BTAF1: variants seen among roughly 807,000 people sequenced by gnomAD.
The protein encoded by BTAF1 is B-TFIID TATA-box binding protein associated factor 1.
In BTAF1, 38 loss-of-function variants were observed where a neutral mutation model predicts 227.1. That is an observed-to-expected ratio of 0.17 (90% confidence interval 0.13 to 0.22). BTAF1 has a LOEUF of 0.22. Ranked by LOEUF, BTAF1 falls within the 10% of genes least tolerant of loss-of-function variation. The pLI is 1.00. For synonymous variants in BTAF1, 742 were observed against 751.9 expected (o/e 0.99, Z 0.21); for missense variants, 1,598 against 2,204.0 (o/e 0.73, Z 5.51).
intron 19 of BTAF1, 28 bp downstream of exon 19, chr10:91,984,432 A>C: frequency 1.9e-6 from 3 of 1,547,402 alleles, no homozygotes; most frequent in Non-Finnish European, 2.6e-6. Flanking sequence ...TTTCTTAATT[A>C]GAGATAGAAC....
chr10:91,961,991 T>A (rs1846556566), intron 11 of BTAF1, among the ~76,000 whole-genome samples: 1 of 152,190 alleles, frequency 6.6e-6, no homozygotes, highest in Non-Finnish European at 1.5e-5. Flanking sequence ...CATGTTTTGA[T>A]GTTTTATGTC....
rs746588344 is a variant in BTAF1 at position 91,993,732 on chromosome 10, A to G, written c.3084A>G (p.Glu1028=). 1 of 1,591,060 alleles carries G rather than the reference A, an allele frequency of 6.3e-7. No individual in the cohort carries two copies. Among genetic ancestry groups the G allele is most frequent in the Admixed American group, 1.7e-5 (1 of 59,212 alleles). The change falls in exon 22 of 38, where the codon GAA becomes GAG. Residue 1028 remains glutamate (E), a synonymous_variant. Transcript: ENST00000265990. Reference sequence around the variant, plus strand: ...ACCTGGTACAACGGAGAGGAGCTGAATTTGCTTTGACAACTATAGTAAAGC... The same window carrying G: ...ACCTGGTACAACGGAGAGGAGCTGAGTTTGCTTTGACAACTATAGTAAAGC... ...KPYLVQRRGA[E]FALTTIVKHF...
At chr10:91,955,501 CAG>C (rs1414154485) in intron 6 of BTAF1, among the ~76,000 whole-genome samples, 7 of 151,856 alleles carry the variant, frequency 4.6e-5, no homozygotes, top group Non-Finnish European at 1.0e-4. Flanking sequence ...GAAGATAAAA[CAG>C]GGAAGGAACA....
chr10:92,006,839 T>G (rs1849924318), intron 25 of BTAF1, among the ~76,000 whole-genome samples: 1 of 152,202 alleles, frequency 6.6e-6, no homozygotes, highest in Admixed American at 6.5e-5. Flanking sequence ...TATACTTTCT[T>G]TCTCCTGGGC....
At chr10:91,994,687 A>C (rs564557077) in intron 23 of BTAF1, 43 bp downstream of exon 23, 1 of 1,506,296 alleles carries the variant, frequency 6.6e-7, no homozygotes, top group Non-Finnish European at 9.2e-7. Flanking sequence ...AAATAAAACA[A>C]GTGGTCTTAT....
Position 91,996,525 on chromosome 10 carries a change from A to G in BTAF1, c.3466A>G (p.Ile1156Val), listed in dbSNP as rs977852909. The G allele has an allele frequency of 8.7e-6, 14 of 1,614,058 alleles. No individual in the cohort carries two copies. Among genetic ancestry groups the G allele is most frequent in the African/African-American group, 1.3e-5 (1 of 74,920 alleles). Residue 1156 changes from isoleucine to valine, a missense_variant, in exon 24 of 38, where the codon ATT becomes GTT. Physicochemically the swap from Ile to Val is conservative, Grantham distance 29 (BLOSUM62 3). This residue lies in a region of BTAF1 where 425 missense variants were observed against 491.2 expected (regional missense o/e 0.87). Transcript: ENST00000265990. ...LEKVLPWLGA[I>V]DDSVKQEGAI... is the part of the protein sequence containing the mutation. The stretch of plus-strand genomic sequence containing the variant: ...GAAGGTTCTTCCGTGGCTGGGAGCA[A>G]TTGATGACAGTGTCAAACAAGAGGG...
rs561329162 is a variant in BTAF1, at chr10:91,934,606, A to G, written c.15-1051A>G. Among the ~76,000 whole-genome samples, 3 of 152,250 alleles carry G rather than the reference A, an allele frequency of 2.0e-5. No individual in the cohort carries two copies. The South Asian group carries it at 6.2e-4, about 32-fold the overall frequency. ...CTTCCTAAAGCATAGTTTCAGTTCC[A>G]TTAGTTTCTTGACCCAAGACCTTCA... On this transcript the variant is annotated intron_variant, in intron 1 of 37. Transcript: ENST00000265990.
chr10:92,007,392 T>C (rs558303691), intron 25 of BTAF1, among the ~76,000 whole-genome samples: 1 of 151,994 alleles, frequency 6.6e-6, no homozygotes, highest in South Asian at 2.1e-4. Context: ...TTTTTGTATT[T>C]TTAGTAGAGA....
At chr10:92,018,376 C>T (rs1404171542) in intron 33 of BTAF1, among the ~76,000 whole-genome samples, 2 of 152,154 alleles carry the variant, frequency 1.3e-5, no homozygotes, top group East Asian at 1.9e-4. Flanking sequence ...GCACCATGCC[C>T]GGCCAGAAAT....
intron 25 of BTAF1, among the ~76,000 whole-genome samples, chr10:92,007,505 G>T (rs1850005247): frequency 1.3e-5 from 2 of 152,054 alleles, no homozygotes; most frequent in African/African-American, 4.8e-5. Context: ...TTACTGGTGC[G>T]AGCCACCATG....
At chr10:91,997,263 A>C in intron 24 of BTAF1, 1 of 740,250 alleles carries the variant, frequency 1.4e-6, no homozygotes, top group Non-Finnish European at 2.0e-6. Flanking sequence ...TCCTTTACTT[A>C]CAATGTGACT....
At chr10:92,005,950 C>A (rs1165304895) in intron 25 of BTAF1, among the ~76,000 whole-genome samples, 5 of 151,810 alleles carry the variant, frequency 3.3e-5, no homozygotes, top group Non-Finnish European at 7.4e-5. Context: ...CAGCTCACTG[C>A]AGCCTCAGCC....
rs1849140408 is a variant in BTAF1, at chr10:91,996,263, A to G, written c.3310-106A>G. On this transcript the variant is annotated intron_variant, in intron 23 of 37. Coordinates refer to ENST00000265990, the MANE Select transcript of BTAF1 (RefSeq NM_003972.3). Reference sequence around the variant, plus strand: ...TTTTGAAGTATTTGGAGATATTTTTAGAGTCACTTAGAATATTGAAAACTT... The same window carrying G: ...TTTTGAAGTATTTGGAGATATTTTTGGAGTCACTTAGAATATTGAAAACTT... 2.8e-5 allele frequency: 24 copies of G among 868,664 alleles called. No individual in the cohort carries two copies. The South Asian group carries it at 4.2e-4, about 15-fold the overall frequency. 53.8% of individuals were successfully genotyped at this position (868,664 alleles called of 1,614,324 possible). A position where few individuals can be genotyped will look rare whatever the true frequency, so the allele number is the denominator to read the frequency against.
At chr10:91,933,694 G>C (rs148166617) in intron 1 of BTAF1, among the ~76,000 whole-genome samples, 1 of 152,194 alleles carries the variant, frequency 6.6e-6, no homozygotes, top group Admixed American at 6.5e-5. Flanking sequence ...TGGTATTTTG[G>C]TGTAGAAAGA....
chr10:92,000,466 C>T (rs772055457), intron 25 of BTAF1, among the ~76,000 whole-genome samples: 9 of 152,230 alleles, frequency 5.9e-5, no homozygotes, highest in Admixed American at 1.3e-4. Context: ...ATTGAAAGTG[C>T]GCCAAAATAG....
In BTAF1 at chr10:92,011,004, A is replaced by G. The variant is rs916226759; in HGVS notation, c.4104-69A>G. The G allele has an allele frequency of 5.2e-6, 6 of 1,155,316 alleles. No homozygotes were observed. The African/African-American group carries it at 7.8e-5, about 15-fold the overall frequency. 71.6% of individuals were successfully genotyped at this position (1,155,316 alleles called of 1,614,324 possible). ...TTAGTGGGCAGATTGAAAGCACTTT[A>G]TACAAATGGTAGCTATTAAGAACTT... On this transcript the variant is annotated intron_variant, in intron 28 of 37. Coordinates refer to ENST00000265990, the MANE Select transcript of BTAF1 (RefSeq NM_003972.3).
intron 18 of BTAF1, 138 bp downstream of exon 18, chr10:91,982,899 A>G: frequency 2.2e-6 from 2 of 908,660 alleles, no homozygotes; most frequent in South Asian, 4.3e-5. Context: ...TCCAAATTAT[A>G]TTGAAGATTA....
chr10:92,013,824 A>C lies in BTAF1; in HGVS notation c.4453+16A>C. 1 of 1,613,910 alleles carries C rather than the reference A, an allele frequency of 6.2e-7. No homozygotes were observed. Among genetic ancestry groups the C allele is most frequent in the African/African-American group, 1.3e-5 (1 of 75,058 alleles). ...CAAGAAGCAGGTATGAAAGAGATATAATTATAACCCTGTGTAAGTGAATAT... is the reference window on the plus strand; with the variant it reads ...CAAGAAGCAGGTATGAAAGAGATATCATTATAACCCTGTGTAAGTGAATAT... On this transcript the variant is annotated intron_variant, in intron 31 of 37. Transcript: ENST00000265990.
intron 2 of BTAF1, among the ~76,000 whole-genome samples, chr10:91,937,726 T>C (rs551271627): frequency 6.6e-6 from 1 of 152,306 alleles, no homozygotes; most frequent in African/African-American, 2.4e-5. Context: ...GGCTACTGTA[T>C]TATGAAAAAT....
Sources: allele counts gnomAD v4.1 joint callset (sites outside exome capture counted in the v4.1 genomes callset), GRCh38; gene constraint gnomAD v4.1.1; regional missense constraint gnomAD v4.1.1; transcripts MANE v1.5; gene names NCBI Gene and HGNC (gene_info 2026-07-23, HGNC 2026-07-21).